CCDC80: variants seen among roughly 807,000 people sequenced by gnomAD.
CCDC80 encodes coiled-coil domain containing 80.
CCDC80 carries 49 observed loss-of-function variants against 78.7 expected under a neutral mutation model. The observed-to-expected ratio is 0.62, with a 90% CI of 0.50 to 0.79. The LOEUF is 0.79. Ranked by LOEUF, CCDC80 falls within the 30% of genes least tolerant of loss-of-function variation. CCDC80 has a pLI of 0.00. For missense variants in CCDC80, 1,205 were observed against 1,198.6 expected (o/e 1.01, Z -0.08); for synonymous variants, 488 against 447.0 (o/e 1.09, Z -1.16).
At chr3:112,624,325 G>T (rs1324159465) in intron 3 of CCDC80, among the ~76,000 whole-genome samples, 1 of 152,208 alleles carries the variant, frequency 6.6e-6, no homozygotes, top group Non-Finnish European at 1.5e-5. Context: ...CAAGAAGTCA[G>T]TAGGGGCCAA....
At chr3:112,637,107 A>T (rs941240460) in intron 2 of CCDC80, among the ~76,000 whole-genome samples, 1 of 152,202 alleles carries the variant, frequency 6.6e-6, no homozygotes, top group Non-Finnish European at 1.5e-5. Context: ...AGTTGCTGAG[A>T]TGAATCTGTG....
At chr3:112,616,400 A>C (rs1935743923) in intron 5 of CCDC80, among the ~76,000 whole-genome samples, 1 of 146,782 alleles carries the variant, frequency 6.8e-6, no homozygotes, top group Non-Finnish European at 1.5e-5. Context: ...CTTTCTTGGG[A>C]GGTCAGGATT....
At chr3:112,614,716 A>G (rs1935697956) in intron 5 of CCDC80, among the ~76,000 whole-genome samples, 1 of 152,200 alleles carries the variant, frequency 6.6e-6, no homozygotes, top group African/African-American at 2.4e-5. Context: ...TTTTAAGAGT[A>G]TCTTCCTTTG....
intron 6 of CCDC80, among the ~76,000 whole-genome samples, chr3:112,609,460 CCT>C (rs1487385612): frequency 6.6e-6 from 1 of 151,984 alleles, no homozygotes; most frequent in Non-Finnish European, 1.5e-5. Context: ...AGATAAAAAT[CCT>C]TTTTTAAAAA....
At chr3:112,635,916 A>C (rs1936198656) in intron 2 of CCDC80, among the ~76,000 whole-genome samples, 1 of 152,306 alleles carries the variant, frequency 6.6e-6, no homozygotes, top group East Asian at 1.9e-4. Flanking sequence ...GGGGAGAAGG[A>C]GGGAGAAATG....
chr3:112,639,205 C>T lies in CCDC80; in HGVS notation c.701G>A (p.Gly234Asp), dbSNP rs1285987208. ...SFLKLEKGKFGMVLLKKTLQV... is the reference protein window; with the variant it reads ...SFLKLEKGKFDMVLLKKTLQV... ...CAGCGTCTTCTTCAGCAGCACCATG[C>T]CAAACTTGCCCTTCTCCAGCTTCAG... Residue 234 changes from glycine (G) to aspartate (D), a missense_variant, in exon 2 of 8, where the codon GGC becomes GAC. Physicochemically the swap from Gly to Asp is moderately conservative, Grantham distance 94. Transcript: ENST00000206423. 6.2e-7 allele frequency: 1 copy of T among 1,614,034 alleles called. No individual in the cohort carries two copies. The highest frequency in any genetic ancestry group is 8.5e-7 in the Non-Finnish European group (1 of 1,180,032).
At chr3:112,616,899 A>G (rs200615913) in intron 4 of CCDC80, 41 bp from the exon 5 acceptor site, 4 of 1,598,670 alleles carry the variant, frequency 2.5e-6, no homozygotes, top group Non-Finnish European at 3.4e-6. Flanking sequence ...GTACAAGTGC[A>G]TTTCTTCTCT....
At chr3:112,632,567 C>A (rs1166510330) in intron 2 of CCDC80, among the ~76,000 whole-genome samples, 1 of 152,062 alleles carries the variant, frequency 6.6e-6, no homozygotes, top group Non-Finnish European at 1.5e-5. Context: ...AGTCCTCAAC[C>A]CTCCTCTAGT....
intron 5 of CCDC80, among the ~76,000 whole-genome samples, chr3:112,611,526 A>T (rs1229690783): frequency 6.6e-6 from 1 of 152,214 alleles, no homozygotes; most frequent in Non-Finnish European, 1.5e-5. Context: ...TTATGCAGAT[A>T]ACAAAACAAG....
rs538584031 is a variant in CCDC80 at position 112,616,441 on chromosome 3, A to G, written c.2321+269T>C. ...TTCTGTACCAAAGAAAGAGAAAAAA[A>G]AAGAAAAGAAAAAAAAAAAAACAGA... On this transcript the variant is annotated intron_variant, in intron 5 of 7. Transcript: ENST00000206423. Among the ~76,000 whole-genome samples the G allele has an allele frequency of 1.6e-3, 144 of 90,560 alleles. 3 individuals carry two copies. In the East Asian group the frequency reaches 0.027, roughly 17 times the overall value. 59.4% of individuals were successfully genotyped at this position (90,560 alleles called of 152,430 possible).
chr3:112,622,949 T>TATAG (rs1029479270), intron 3 of CCDC80, among the ~76,000 whole-genome samples: 13 of 151,924 alleles, frequency 8.6e-5, no homozygotes, highest in Admixed American at 5.9e-4. Context: ...GTGCTGGGAT[T>TATAG]ATAGGCATGA....
Position 112,641,124 on chromosome 3 carries a change from CAG to C in CCDC80, c.-811_-810del, listed in dbSNP as rs1318805231. The C allele has an allele frequency of 1.3e-5, 2 of 152,250 alleles. No individual in the cohort carries two copies. Among genetic ancestry groups the C allele is most frequent in the African/African-American group, 4.8e-5 (2 of 41,444 alleles). 9.4% of individuals were successfully genotyped at this position (152,250 alleles called of 1,614,324 possible). A position where few individuals can be genotyped will look rare whatever the true frequency, so the allele number is the denominator to read the frequency against. On this transcript the variant is annotated 5_prime_UTR_variant, in exon 1 of 8. Transcript: ENST00000206423. ...CATTTTAGCACGTTCAGAGTGGACT[CAG>C]TGAGGAGTGAGAAGGCTGTTCTTTG... is the stretch of plus-strand genomic sequence containing the variant.
chr3:112,626,220 A>G (rs1935968742), intron 3 of CCDC80, among the ~76,000 whole-genome samples: 1 of 152,200 alleles, frequency 6.6e-6, no homozygotes, highest in South Asian at 2.1e-4. Flanking sequence ...AGAATGATTG[A>G]TAAGTAAAGA....
intron 2 of CCDC80, among the ~76,000 whole-genome samples, chr3:112,635,148 T>C (rs9813486): frequency 0.92 from 140,135 of 152,206 alleles, 65,604 homozygotes; most frequent in East Asian, 1. Context: ...TTGCTGTTAG[T>C]GTTTCTGTAA....
chr3:112,639,375 A>C lies in CCDC80; in HGVS notation c.531T>G (p.Cys177Trp). ...GTTGGATGTGCCTCTCCGCCAGCTCACAGTACACATCGTCCTTCAGCAGGC... is the reference window on the plus strand; with the variant it reads ...GTTGGATGTGCCTCTCCGCCAGCTCCCAGTACACATCGTCCTTCAGCAGGC... ...MMSLLKDDVY[C>W]ELAERHIQQI... The change falls in exon 2 of 8, where the codon TGT becomes TGG. Residue 177 changes from cysteine (C) to tryptophan (W), a missense_variant. Transcript: ENST00000206423. 1 of 1,614,120 alleles carries C rather than the reference A, an allele frequency of 6.2e-7. No homozygotes were observed. The highest frequency in any genetic ancestry group is 8.5e-7 in the Non-Finnish European group (1 of 1,180,022).
rs1257635663 is a variant in CCDC80, at chr3:112,603,319, A to G, written c.*2098T>C. 2.0e-5 allele frequency: 3 copies of G among 151,896 alleles called. No individual in the cohort carries two copies. Among genetic ancestry groups the G allele is most frequent in the Non-Finnish European group, 4.4e-5 (3 of 68,004 alleles). The allele number at this position is 151,896 out of a possible 1,614,324, so 9.4% of individuals were successfully genotyped here. On this transcript the variant is annotated 3_prime_UTR_variant, in exon 8 of 8. Transcript: ENST00000206423. ...AGGCCAAAGTCAGTAGTTCGAGACC[A>G]CCCTGACTAACATGGTGAAACCCCA...
intron 3 of CCDC80, among the ~76,000 whole-genome samples, chr3:112,619,682 A>AC (rs1456953828): frequency 9.2e-5 from 14 of 152,220 alleles, no homozygotes; most frequent in Non-Finnish European, 2.9e-5. Context: ...GTAAGTGAAC[A>AC]CAGTTTAAAA....
chr3:112,605,442 CTCTCATGATGA>C lies in CCDC80; in HGVS notation c.2817_2827del (p.His940LeufsTer13). ...TCAGTAAGGGTATCCATGGTGATAA[CTCTCATGATGA>C]CGGTAGTCATCCTGGTAACCATCCT... On this transcript the variant is annotated frameshift_variant, in exon 8 of 8. Transcript: ENST00000206423. LOFTEE classifies it high-confidence loss of function. The C allele has an allele frequency of 6.2e-7, 1 of 1,613,650 alleles. No individual in the cohort carries two copies. Among genetic ancestry groups the C allele is most frequent in the African/African-American group, 1.3e-5 (1 of 75,058 alleles).
chr3:112,602,361 A>G lies in CCDC80; in HGVS notation c.*3056T>C, dbSNP rs893007112. 7 of 152,226 alleles carry G rather than the reference A, an allele frequency of 4.6e-5. No individual in the cohort carries two copies. Among genetic ancestry groups the G allele is most frequent in the Non-Finnish European group, 7.3e-5 (5 of 68,042 alleles). The allele number at this position is 152,226 out of a possible 1,614,324, so 9.4% of individuals were successfully genotyped here. A position where few individuals can be genotyped will look rare whatever the true frequency, so the allele number is the denominator to read the frequency against. On this transcript the variant is annotated 3_prime_UTR_variant, in exon 8 of 8. Coordinates refer to ENST00000206423, the MANE Select transcript of CCDC80 (RefSeq NM_199511.3). ...AATAACCCTAAAATAGCCTCCAGGT[A>G]TTTCAAGTGAGAGGAAGTTGCAATC...
Sources: allele counts gnomAD v4.1 joint callset (sites outside exome capture counted in the v4.1 genomes callset), GRCh38; gene constraint gnomAD v4.1.1; transcripts MANE v1.5; gene names NCBI Gene and HGNC (gene_info 2026-07-23, HGNC 2026-07-21).